The following JPH3 variants were observed in gnomAD, a reference collection of about 807,000 sequenced individuals.
JPH3 encodes junctophilin-3.
A neutral mutation model predicts 59.6 loss-of-function variants in JPH3; 11 were observed. That is an observed-to-expected ratio of 0.18 (90% CI 0.12 to 0.31). JPH3 has a LOEUF of 0.31. JPH3 is among the 10% of genes least tolerant of loss of function. JPH3 has a pLI of 1.00. For synonymous variants in JPH3, 673 were observed against 483.6 expected (o/e 1.39, Z -5.14); for missense variants, 1,202 against 1,105.7 (o/e 1.09, Z -1.24).
At chr16:87,676,337 C>G (rs906729955) in intron 2 of JPH3, among the ~76,000 whole-genome samples, 1 of 152,112 alleles carries the variant, frequency 6.6e-6, no homozygotes, top group Non-Finnish European at 1.5e-5. Flanking sequence ...TCTTTTTGAA[C>G]GAGTGGATCC....
Position 87,662,944 on chromosome 16 carries a change from T to C in JPH3, c.1160+17909T>C, listed in dbSNP as rs1236365079. On this transcript the variant is annotated intron_variant, in intron 2 of 4. Transcript: ENST00000284262. ...TCCAGCACCCCTTCGGGGCTGCTGC[T>C]GCCTGGTTGGTAAGCCCTGAGCTCA... 3.3e-5 allele frequency among the ~76,000 whole-genome samples: 5 copies of C among 152,294 alleles called. No homozygotes were observed. In the East Asian group the frequency reaches 5.8e-4, roughly 18 times the overall value.
chr16:87,686,991 G>T (rs964198310), intron 3 of JPH3, among the ~76,000 whole-genome samples: 1 of 152,234 alleles, frequency 6.6e-6, no homozygotes, highest in South Asian at 2.1e-4. Flanking sequence ...ACCTCTTTGG[G>T]TGGCGCCCCG....
intron 2 of JPH3, 77 bp downstream of exon 2, chr16:87,645,112 G>A (rs1222846769): frequency 7.0e-7 from 1 of 1,434,596 alleles, no homozygotes; most frequent in African/African-American, 1.4e-5. Context: ...CAGTCCTGCT[G>A]TCGCTCAAGG....
intron 4 of JPH3, chr16:87,695,797 C>T (rs1377312259): frequency 2.2e-5 from 10 of 455,908 alleles, no homozygotes; most frequent in Admixed American, 4.7e-5. Context: ...AGGGCGCCCC[C>T]GGAAAAGGCT....
chr16:87,661,479 C>T (rs541642042), intron 2 of JPH3, among the ~76,000 whole-genome samples: 19 of 152,382 alleles, frequency 1.2e-4, no homozygotes, highest in South Asian at 4.1e-4. Context: ...CAAAGCCTCC[C>T]GCTCTGAGCA....
At chr16:87,604,662 C>T (rs1415348505) in intron 1 of JPH3, 7 of 1,160,982 alleles carry the variant, frequency 6.0e-6, no homozygotes, top group Non-Finnish European at 7.5e-6. Flanking sequence ...CGCTCGCTGC[C>T]TCCGAGTCTC....
chr16:87,613,990 C>G (rs1267973137), intron 1 of JPH3, among the ~76,000 whole-genome samples: 1 of 152,114 alleles, frequency 6.6e-6, no homozygotes, highest in Non-Finnish European at 1.5e-5. Flanking sequence ...CTTGATGGAG[C>G]CAGCATTCCA....
At position 87,662,418 on chromosome 16, in the gene JPH3, G is replaced by A. The variant is rs544802852; in HGVS notation, c.1160+17383G>A. On this transcript the variant is annotated intron_variant, in intron 2 of 4. Transcript: ENST00000284262. ...CCCTCTGCCTGACTTCACTAGGCTC[G>A]CGTCTGATTTTTTTTTTTTAGCACC... 2.1e-4 allele frequency among the ~76,000 whole-genome samples: 30 copies of A among 139,746 alleles called. No homozygotes were observed. The East Asian group carries it at 2.6e-3, about 12-fold the overall frequency. 91.7% of individuals were successfully genotyped at this position (139,746 alleles called of 152,430 possible). A position where few individuals can be genotyped will look rare whatever the true frequency, so the allele number is the denominator to read the frequency against.
chr16:87,603,192 T>G lies in JPH3; in HGVS notation c.46T>G (p.Cys16Gly), dbSNP rs756537917. 6.2e-7 allele frequency: 1 copy of G among 1,613,944 alleles called. No homozygotes were observed. Among genetic ancestry groups the G allele is most frequent in the Non-Finnish European group, 8.5e-7 (1 of 1,179,918 alleles). The change falls in exon 1 of 5, where the codon TGT becomes GGT. Residue 16 changes from cysteine to glycine, a missense_variant. Transcript: ENST00000284262. ...TAATTTTGACGACGGAGGGTCCTAC[T>G]GTGGAGGCTGGGAGGACGGCAAGGC... is the stretch of plus-strand genomic sequence containing the variant. ...RFNFDDGGSYCGGWEDGKAHG... is the reference protein window; with the variant it reads ...RFNFDDGGSYGGGWEDGKAHG...
rs936212792 is a variant in JPH3 at position 87,603,061 on chromosome 16, C to T, written c.-86C>T. On this transcript the variant is annotated 5_prime_UTR_variant, in exon 1 of 5. Transcript: ENST00000284262. ...TCTCCTCCGGAAAACGCTCGCGACC[C>T]AGGGCCGCCGGCGGCCGCGACTCTG... 16 of 1,572,064 alleles carry T rather than the reference C, an allele frequency of 1.0e-5. No homozygotes were observed. In the African/African-American group the frequency reaches 1.8e-4, roughly 17 times the overall value.
At chr16:87,643,085 T>C (rs1049262899) in intron 1 of JPH3, among the ~76,000 whole-genome samples, 1 of 152,206 alleles carries the variant, frequency 6.6e-6, no homozygotes, top group African/African-American at 2.4e-5. Context: ...CACCGCGCTT[T>C]CTGCATCTCT....
At chr16:87,660,181 C>G (rs921804206) in intron 2 of JPH3, among the ~76,000 whole-genome samples, 1 of 152,200 alleles carries the variant, frequency 6.6e-6, no homozygotes, top group African/African-American at 2.4e-5. Flanking sequence ...CAGGGACTAG[C>G]TGTGCGTCTC....
intron 2 of JPH3, among the ~76,000 whole-genome samples, chr16:87,677,116 G>A (rs921070192): frequency 4.0e-5 from 6 of 151,060 alleles, no homozygotes; most frequent in Non-Finnish European, 5.9e-5. Flanking sequence ...CTGAGATCGT[G>A]CCACTGCAAT....
At chr16:87,636,664 C>G (rs1397835074) in intron 1 of JPH3, among the ~76,000 whole-genome samples, 1 of 152,300 alleles carries the variant, frequency 6.6e-6, no homozygotes, top group African/African-American at 2.4e-5. Flanking sequence ...AACCCCTTTT[C>G]TTACTGATAT....
At chr16:87,666,314 C>A (rs766593660) in intron 2 of JPH3, among the ~76,000 whole-genome samples, 1 of 151,908 alleles carries the variant, frequency 6.6e-6, no homozygotes, top group Non-Finnish European at 1.5e-5. Flanking sequence ...GTCTAGAACT[C>A]CTGACCTCAG....
intron 1 of JPH3, among the ~76,000 whole-genome samples, chr16:87,628,986 C>T (rs896134764): frequency 1.6e-4 from 24 of 152,086 alleles, no homozygotes; most frequent in Non-Finnish European, 3.2e-4. Context: ...GTGGGGCTTC[C>T]TCAATGTCAG....
chr16:87,617,755 A>C (rs1434848575), intron 1 of JPH3, among the ~76,000 whole-genome samples: 2 of 152,020 alleles, frequency 1.3e-5, no homozygotes, highest in African/African-American at 4.8e-5. Flanking sequence ...TCACCTGTGA[A>C]ACATGCTCAG....
intron 1 of JPH3, among the ~76,000 whole-genome samples, chr16:87,629,324 GTTTTAGTAAAGATAATGTATA>G (rs2031486535): frequency 6.6e-6 from 1 of 152,034 alleles, no homozygotes; most frequent in African/African-American, 2.4e-5. Flanking sequence ...TGATGCAGGA[GTTTTAGTAAAGATAATGTATA>G]TTTTAGTAAA....
chr16:87,659,609 T>C (rs2032636652), intron 2 of JPH3, among the ~76,000 whole-genome samples: 1 of 151,872 alleles, frequency 6.6e-6, no homozygotes, highest in South Asian at 2.1e-4. Context: ...GACAGGTGCC[T>C]GTAATCCCAG....
Sources: allele counts gnomAD v4.1 joint callset (sites outside exome capture counted in the v4.1 genomes callset), GRCh38; gene constraint gnomAD v4.1.1; transcripts MANE v1.5; gene names NCBI Gene and HGNC (gene_info 2026-07-23, HGNC 2026-07-21).